MYRIP: variants seen among roughly 807,000 people sequenced by gnomAD.
The protein encoded by MYRIP is myosin VIIA and Rab interacting protein.
MYRIP carries 49 observed loss-of-function variants against 98.0 expected under a neutral mutation model. That is an observed-to-expected ratio of 0.50 (90% CI 0.40 to 0.63). The LOEUF is 0.63. MYRIP is among the 30% of genes least tolerant of loss of function. The pLI is 0.00. For missense variants in MYRIP, 1,004 were observed against 1,058.2 expected (o/e 0.95, Z 0.71); for synonymous variants, 404 against 409.5 (o/e 0.99, Z 0.16).
intron 2 of MYRIP, among the ~76,000 whole-genome samples, chr3:39,922,309 A>G (rs1349183584): frequency 6.6e-6 from 1 of 152,072 alleles, no homozygotes; most frequent in Non-Finnish European, 1.5e-5. Context: ...TAACTGCTCT[A>G]CTCCATCCAA....
intron 1 of MYRIP, among the ~76,000 whole-genome samples, chr3:39,886,757 A>G (rs978947345): frequency 6.6e-4 from 100 of 151,556 alleles, no homozygotes; most frequent in African/African-American, 2.2e-3. Context: ...TTAACACCCC[A>G]CTGTCAACAT....
At chr3:40,134,019 T>C (rs1207397383) in intron 3 of MYRIP, among the ~76,000 whole-genome samples, 1 of 151,898 alleles carries the variant, frequency 6.6e-6, no homozygotes, top group Non-Finnish European at 1.5e-5. Flanking sequence ...CACTGGGGAG[T>C]GCCGGACAGT....
chr3:39,980,875 G>C (rs1442860632), intron 2 of MYRIP, among the ~76,000 whole-genome samples: 2 of 152,142 alleles, frequency 1.3e-5, no homozygotes, highest in Admixed American at 1.3e-4. Context: ...TAGTTGCCAG[G>C]GGCTGGGAGG....
At chr3:39,887,216 A>G (rs1943331576) in intron 1 of MYRIP, among the ~76,000 whole-genome samples, 1 of 152,124 alleles carries the variant, frequency 6.6e-6, no homozygotes, top group Admixed American at 6.5e-5. Flanking sequence ...TTGTAGCACT[A>G]AATGCCCACA....
intron 2 of MYRIP, among the ~76,000 whole-genome samples, chr3:40,014,310 AAGG>A (rs1946817770): frequency 1.3e-5 from 2 of 152,360 alleles, no homozygotes; most frequent in African/African-American, 4.8e-5. Flanking sequence ...AAGAAATAAT[AAGG>A]AGAAATAATA....
chr3:39,966,955 C>T (rs937760363), intron 2 of MYRIP, among the ~76,000 whole-genome samples: 1 of 152,156 alleles, frequency 6.6e-6, no homozygotes, highest in African/African-American at 2.4e-5. Context: ...ATAGAATGCC[C>T]TTCACTCACA....
At chr3:40,011,743 T>C (rs1315095490) in intron 2 of MYRIP, among the ~76,000 whole-genome samples, 2 of 152,186 alleles carry the variant, frequency 1.3e-5, no homozygotes, top group Non-Finnish European at 2.9e-5. Flanking sequence ...CTGGGGCATA[T>C]AAAAAGTAAA....
At chr3:40,190,593 T>G in intron 10 of MYRIP, 130 bp downstream of exon 10, 1 of 1,428,304 alleles carries the variant, frequency 7.0e-7, no homozygotes, top group South Asian at 1.5e-5. Context: ...GTTTTGCAGC[T>G]AAGTAGCTGA....
At chr3:39,888,255 A>C (rs1413736705) in intron 1 of MYRIP, among the ~76,000 whole-genome samples, 1 of 152,176 alleles carries the variant, frequency 6.6e-6, no homozygotes, top group African/African-American at 2.4e-5. Context: ...AGCTGGAGGC[A>C]TCACACTACC....
At chr3:39,878,809 C>A (rs1298575921) in intron 1 of MYRIP, among the ~76,000 whole-genome samples, 1 of 151,172 alleles carries the variant, frequency 6.6e-6, no homozygotes, top group African/African-American at 2.4e-5. Flanking sequence ...GTAATCCCAG[C>A]ACTTTGGGAG....
intron 3 of MYRIP, among the ~76,000 whole-genome samples, chr3:40,090,587 A>G (rs548491645): frequency 6.6e-6 from 1 of 152,336 alleles, no homozygotes; most frequent in Admixed American, 6.5e-5. Flanking sequence ...CATAGGGTTC[A>G]GTTTTAAGAA....
At chr3:39,926,345 T>A (rs928787147) in intron 2 of MYRIP, among the ~76,000 whole-genome samples, 2 of 151,980 alleles carry the variant, frequency 1.3e-5, no homozygotes, top group Admixed American at 6.6e-5. Flanking sequence ...TTAATTAGGT[T>A]CTACTTGTCA....
chr3:39,994,818 T>G (rs1019737733), intron 2 of MYRIP, among the ~76,000 whole-genome samples: 2 of 152,156 alleles, frequency 1.3e-5, no homozygotes. Context: ...CTCACACGAC[T>G]GGGTACTCCT....
intron 10 of MYRIP, among the ~76,000 whole-genome samples, chr3:40,192,318 ATATATATGT>A (rs1318217779): frequency 2.8e-4 from 11 of 39,350 alleles, no homozygotes; most frequent in African/African-American, 5.2e-4. Flanking sequence ...TCATATATAT[ATATATATGT>A]CATATATATA....
In MYRIP at chr3:39,974,872, A is replaced by G. The variant is rs564795020; in HGVS notation, c.111-69178A>G. On this transcript the variant is annotated intron_variant, in intron 2 of 16. Coordinates refer to ENST00000302541, the MANE Select transcript of MYRIP (RefSeq NM_015460.4). ...CAACCCTTCATGCTAAAAACTCTCA[A>G]TAAATTAGGTATGGATGGGACGTAT... 1.6e-4 allele frequency among the ~76,000 whole-genome samples: 24 copies of G among 152,304 alleles called. 1 individual carries two copies. Among genetic ancestry groups the G allele is most frequent in the Admixed American group, 3.9e-4 (6 of 15,290 alleles).
intron 1 of MYRIP, among the ~76,000 whole-genome samples, chr3:39,819,647 A>G (rs1354865158): frequency 6.6e-6 from 1 of 152,220 alleles, no homozygotes; most frequent in East Asian, 1.9e-4. Flanking sequence ...TATGTGATCA[A>G]TTGCTAGTGA....
At chr3:39,991,479 G>T (rs1946174049) in intron 2 of MYRIP, among the ~76,000 whole-genome samples, 2 of 152,150 alleles carry the variant, frequency 1.3e-5, no homozygotes, top group Admixed American at 1.3e-4. Flanking sequence ...CTTTCTCTAG[G>T]AATAGTTGCC....
At chr3:40,258,046 T>A in intron 16 of MYRIP, 88 bp from the exon 17 acceptor site, 3 of 1,387,628 alleles carry the variant, frequency 2.2e-6, no homozygotes, top group Non-Finnish European at 3.1e-6. Flanking sequence ...TAGCTTTTGA[T>A]ATTAAAAAGC....
At chr3:40,012,093 A>G (rs539045997) in intron 2 of MYRIP, among the ~76,000 whole-genome samples, 3 of 152,314 alleles carry the variant, frequency 2.0e-5, no homozygotes, top group South Asian at 2.1e-4. Flanking sequence ...GTTTATTTCT[A>G]TGTGCATTTT....
Sources: gnomAD v4.1 joint callset for allele counts (sites outside exome capture counted in the v4.1 genomes callset) on GRCh38, gnomAD v4.1.1 for gene constraint, MANE v1.5 for transcripts, NCBI Gene and HGNC (gene_info 2026-07-23, HGNC 2026-07-21) for gene names.